Variants in SEMA3A observed in about 807,000 individuals in gnomAD.
The protein encoded by SEMA3A is semaphorin 3A.
Under a neutral mutation model 97.9 loss-of-function variants are expected in SEMA3A, and 29 were observed. The observed-to-expected ratio is 0.30, with a 90% confidence interval of 0.22 to 0.40. SEMA3A has a LOEUF of 0.40. Among genes scored for constraint, SEMA3A ranks in the 10% least tolerant of loss-of-function variants. The probability of loss-of-function intolerance (pLI) is 1.00; values close to 1 mark genes in which losing one functional copy is unlikely to be tolerated. For missense variants in SEMA3A, 763 were observed against 951.3 expected (o/e 0.80, Z 2.60); for synonymous variants, 321 against 323.7 (o/e 0.99, Z 0.09).
In SEMA3A at chr7:84,396,632, A is replaced by C. The variant is rs994848055; in HGVS notation, c.-245-24732T>G. On this transcript the variant is annotated intron_variant, in intron 1 of 3. Transcript: ENST00000424555. ...AATATTTGTTTTCAGGCAAAAGAAC[A>C]AAAATGTAAAGAAACTGACTTCCAA... Among the ~76,000 whole-genome samples the C allele has an allele frequency of 4.6e-5, 7 of 152,218 alleles. No homozygotes were observed. The South Asian group carries it at 1.2e-3, about 27-fold the overall frequency.
intron 2 of SEMA3A, among the ~76,000 whole-genome samples, chr7:84,359,744 T>G (rs1364056556): frequency 1.3e-5 from 2 of 152,210 alleles, no homozygotes; most frequent in Non-Finnish European, 2.9e-5. Context: ...TCTGGTAGAA[T>G]TCATCTGTGA....
intron 1 of SEMA3A, among the ~76,000 whole-genome samples, chr7:84,167,030 C>T (rs896608703): frequency 1.3e-4 from 6 of 47,582 alleles, no homozygotes; most frequent in East Asian, 8.1e-4. Context: ...AATGAATGAA[C>T]GAATACTGCA....
In SEMA3A at chr7:84,108,523, C is replaced by T. The variant is rs555054533; in HGVS notation, c.453+1947G>A. Among the ~76,000 whole-genome samples the T allele has an allele frequency of 1.1e-4, 16 of 152,192 alleles. No homozygotes were observed. The South Asian group carries it at 2.9e-3, about 28-fold the overall frequency. On this transcript the variant is annotated intron_variant, in intron 4 of 16. Transcript: ENST00000265362. The stretch of plus-strand genomic sequence containing the variant: ...TCTGAGAGACGTTAAATAATATTTC[C>T]AGTGCTCCACAGCTAGTAAGTTGTA...
intron 2 of SEMA3A, among the ~76,000 whole-genome samples, chr7:84,130,745 G>A (rs1795937829): frequency 6.6e-6 from 1 of 151,670 alleles, no homozygotes; most frequent in African/African-American, 2.4e-5. Context: ...AATGGAAGAG[G>A]GTAAAACATA....
intron 1 of SEMA3A, among the ~76,000 whole-genome samples, chr7:84,415,698 G>A (rs1227111318): frequency 6.6e-6 from 1 of 151,982 alleles, no homozygotes. Context: ...CATCAATAAT[G>A]AAATATGTAG....
Position 84,129,116 on chromosome 7 carries a change from T to G in SEMA3A, c.333+7A>C. ...CCTGTATAATAATTTAGTAGGTTAA[T>G]GCTTACCAGGATGTCTTTTCCAGCC... On this transcript the variant is annotated splice_region_variant and intron_variant, in intron 3 of 16. Transcript: ENST00000265362. 6.2e-7 allele frequency: 1 copy of G among 1,603,562 alleles called. No homozygotes were observed. Among genetic ancestry groups the G allele is most frequent in the Non-Finnish European group, 8.5e-7 (1 of 1,170,454 alleles).
chr7:84,159,098 G>A (rs978474256), intron 1 of SEMA3A, among the ~76,000 whole-genome samples: 1 of 151,670 alleles, frequency 6.6e-6, no homozygotes, highest in Non-Finnish European at 1.5e-5. Context: ...TAACTCAGAA[G>A]GTTTAACGTT....
chr7:84,212,627 T>C (rs1798658359), intron 3 of SEMA3A, among the ~76,000 whole-genome samples: 1 of 152,208 alleles, frequency 6.6e-6, no homozygotes, highest in Admixed American at 6.5e-5. Flanking sequence ...CTAGAAAGTG[T>C]TTCCTCTGTT....
intron 3 of SEMA3A, among the ~76,000 whole-genome samples, chr7:84,247,921 T>C (rs1473026279): frequency 2.6e-5 from 4 of 152,192 alleles, no homozygotes; most frequent in African/African-American, 4.8e-5. Context: ...TAAGCATGAT[T>C]TACCTTCTGG....
At chr7:84,465,077 C>T (rs1805955613) in intron 1 of SEMA3A, among the ~76,000 whole-genome samples, 1 of 152,128 alleles carries the variant, frequency 6.6e-6, no homozygotes, top group Non-Finnish European at 1.5e-5. Context: ...AGATTTTACT[C>T]TACCATTATT....
At chr7:84,073,540 T>C (rs542921626) in intron 4 of SEMA3A, among the ~76,000 whole-genome samples, 1 of 152,132 alleles carries the variant, frequency 6.6e-6, no homozygotes, top group South Asian at 2.1e-4. Context: ...AAATAAGCAA[T>C]TTAGTCTGTA....
intron 1 of SEMA3A, among the ~76,000 whole-genome samples, chr7:84,475,982 T>C (rs1806270451): frequency 1.3e-5 from 2 of 152,162 alleles, no homozygotes. Flanking sequence ...AAAGATACAA[T>C]ATGCATGATG....
At chr7:84,304,136 A>T (rs1396399478) in intron 3 of SEMA3A, among the ~76,000 whole-genome samples, 1 of 152,180 alleles carries the variant, frequency 6.6e-6, no homozygotes, top group Non-Finnish European at 1.5e-5. Context: ...TTCATAAAGC[A>T]TTCAAAAGAA....
chr7:84,162,814 C>T (rs950136681), intron 1 of SEMA3A, among the ~76,000 whole-genome samples: 26 of 152,090 alleles, frequency 1.7e-4, no homozygotes, highest in Non-Finnish European at 3.1e-4. Flanking sequence ...CCCAGTACTA[C>T]TAGGCCCAAG....
At chr7:84,175,052 T>C (rs1356986459) in intron 1 of SEMA3A, among the ~76,000 whole-genome samples, 1 of 152,190 alleles carries the variant, frequency 6.6e-6, no homozygotes, top group Non-Finnish European at 1.5e-5. Flanking sequence ...AACGAGAGTC[T>C]CTTCCACTTG....
intron 2 of SEMA3A, among the ~76,000 whole-genome samples, chr7:84,357,821 C>T (rs185059195): frequency 0.03 from 4,514 of 151,658 alleles, 96 homozygotes; most frequent in Non-Finnish European, 0.046. Context: ...TTTTAATGAT[C>T]GCCATTTTAA....
At chr7:84,025,764 T>C (rs1791522756) in intron 6 of SEMA3A, among the ~76,000 whole-genome samples, 1 of 152,106 alleles carries the variant, frequency 6.6e-6, no homozygotes, top group Non-Finnish European at 1.5e-5. Context: ...TTCTGTACTA[T>C]CTGCATTATC....
At chr7:84,354,782 T>C (rs1181944354) in intron 2 of SEMA3A, among the ~76,000 whole-genome samples, 1 of 151,732 alleles carries the variant, frequency 6.6e-6, no homozygotes, top group African/African-American at 2.4e-5. Flanking sequence ...CCATGTGTTA[T>C]GTATGCCCCA....
At chr7:84,416,557 C>T (rs1804442146) in intron 1 of SEMA3A, among the ~76,000 whole-genome samples, 1 of 152,058 alleles carries the variant, frequency 6.6e-6, no homozygotes, top group African/African-American at 2.4e-5. Flanking sequence ...TTTATTGGTG[C>T]TGATTATCCC....
Sources: gnomAD v4.1 joint callset for allele counts (sites outside exome capture counted in the v4.1 genomes callset) on GRCh38, gnomAD v4.1.1 for gene constraint, MANE v1.5 for transcripts, NCBI Gene and HGNC (gene_info 2026-07-23, HGNC 2026-07-21) for gene names.